The following BMPR1A variants were observed in gnomAD, a reference collection of about 807,000 sequenced individuals.
BMPR1A encodes bone morphogenetic protein receptor type 1A, also known as bone morphogenetic protein receptor type-1A.
A neutral mutation model predicts 66.0 loss-of-function variants in BMPR1A; 7 were observed. The observed-to-expected ratio is 0.11, with a 90% CI of 0.06 to 0.20. The LOEUF (loss-of-function observed/expected upper bound fraction) is 0.20, where lower values mean the gene tolerates loss of function less well. BMPR1A is among the 10% of genes least tolerant of loss of function. BMPR1A has a pLI of 1.00. For synonymous variants in BMPR1A, 200 were observed against 229.7 expected (o/e 0.87, Z 1.17); for missense variants, 408 against 669.1 (o/e 0.61, Z 4.31).
rs182782110 is a variant in BMPR1A, at chr10:86,837,818, G to A, written c.-267-1047G>A. On this transcript the variant is annotated intron_variant, in intron 1 of 12. Transcript: ENST00000372037. ...ATTCAGGGTCAGGCTGTCTTTAGCCGGACCATGAAAGATACAGCAGCCTGT... is the reference window on the plus strand; with the variant it reads ...ATTCAGGGTCAGGCTGTCTTTAGCCAGACCATGAAAGATACAGCAGCCTGT... Among the ~76,000 whole-genome samples the A allele has an allele frequency of 1.9e-3, 282 of 152,236 alleles. 1 individual carries two copies. The highest frequency in any genetic ancestry group is 8.4e-3 in the Admixed American group (129 of 15,286).
intron 1 of BMPR1A, among the ~76,000 whole-genome samples, chr10:86,775,700 T>C (rs1841336380): frequency 6.6e-6 from 1 of 152,068 alleles, no homozygotes; most frequent in African/African-American, 2.4e-5. Context: ...CAGTAAACAA[T>C]GGCAACAATA....
chr10:86,874,427 AT>A (rs1842893129), intron 2 of BMPR1A, among the ~76,000 whole-genome samples: 1 of 151,358 alleles, frequency 6.6e-6, no homozygotes, highest in South Asian at 2.1e-4. Context: ...TTTTTATGAG[AT>A]TGTGTCTCAC....
In BMPR1A at chr10:86,898,248, C is replaced by CACAT. The variant is rs143893301; in HGVS notation, c.334-1545_334-1544insCATA. 6.5e-4 allele frequency among the ~76,000 whole-genome samples: 98 copies of CACAT among 150,910 alleles called. 1 individual carries two copies. The East Asian group carries it at 0.013, about 20-fold the overall frequency. On this transcript the variant is annotated intron_variant, in intron 5 of 12. Coordinates refer to ENST00000372037, the MANE Select transcript of BMPR1A (RefSeq NM_004329.3). ...TTAAAGAAAAGGGACGTATATAACA[C>CACAT]ATATATATATAACATATATATAAAC...
At chr10:86,856,335 G>A (rs919157168) in intron 2 of BMPR1A, 2 of 424,562 alleles carry the variant, frequency 4.7e-6, no homozygotes, top group Non-Finnish European at 9.2e-6. Flanking sequence ...GCCCAGGGCA[G>A]TCAGCCATGG....
At chr10:86,853,096 T>C (rs1414168569) in intron 2 of BMPR1A, among the ~76,000 whole-genome samples, 4 of 152,144 alleles carry the variant, frequency 2.6e-5, no homozygotes, top group African/African-American at 9.7e-5. Flanking sequence ...AAATAAAATA[T>C]CTTGAATCAC....
At chr10:86,793,633 C>A (rs1426828072) in intron 1 of BMPR1A, among the ~76,000 whole-genome samples, 1 of 152,092 alleles carries the variant, frequency 6.6e-6, no homozygotes, top group Non-Finnish European at 1.5e-5. Flanking sequence ...TACAGGTGAG[C>A]CACTGCGCCA....
At position 86,815,377 on chromosome 10, in the gene BMPR1A, A is replaced by C. The variant is rs541414744; in HGVS notation, c.-267-23488A>C. ...TTTTCAGCAGTTTTTTTTCTGTGTG[A>C]GTGAGGCTGTTTCCTAGCAGGGAGG... On this transcript the variant is annotated intron_variant, in intron 1 of 12. Coordinates refer to ENST00000372037, the MANE Select transcript of BMPR1A (RefSeq NM_004329.3). Among the ~76,000 whole-genome samples, 70 of 151,774 alleles carry C rather than the reference A, an allele frequency of 4.6e-4. No homozygotes were observed. The South Asian group carries it at 0.015, about 32-fold the overall frequency.
chr10:86,857,799 T>C (rs576554307), intron 2 of BMPR1A, among the ~76,000 whole-genome samples: 1 of 147,474 alleles, frequency 6.8e-6, no homozygotes, highest in South Asian at 2.2e-4. Context: ...TTTTAAGACC[T>C]AGTCATTACT....
At chr10:86,841,785 A>C (rs1186467784) in intron 2 of BMPR1A, among the ~76,000 whole-genome samples, 2 of 151,968 alleles carry the variant, frequency 1.3e-5, no homozygotes, top group African/African-American at 4.8e-5. Context: ...ACCAACCCCC[A>C]ACATTTAGGG....
downstream of BMPR1A, chr10:86,931,298 C>CACATATATATATAT: frequency 3.7e-3 from 332 of 90,872 alleles, 20 homozygotes; most frequent in African/African-American, 0.02. Flanking sequence ...CACACACACA[C>CACATATATATATAT]ATATATATAT....
intron 1 of BMPR1A, among the ~76,000 whole-genome samples, chr10:86,774,728 C>G (rs1841318317): frequency 6.6e-6 from 1 of 152,116 alleles, no homozygotes; most frequent in African/African-American, 2.4e-5. Flanking sequence ...TATATTGATA[C>G]TATCGGATAA....
intron 2 of BMPR1A, chr10:86,855,240 A>G (rs556414966): frequency 6.6e-6 from 7 of 1,057,476 alleles, no homozygotes; most frequent in South Asian, 6.5e-5. Flanking sequence ...TTCAGGTTTC[A>G]GACACACAGA....
intron 7 of BMPR1A, among the ~76,000 whole-genome samples, chr10:86,906,368 C>T (rs910868725): frequency 1.3e-5 from 2 of 152,022 alleles, no homozygotes; most frequent in African/African-American, 4.8e-5. Flanking sequence ...CTTAGTGAAT[C>T]TATGGTTTGC....
At chr10:86,855,943 A>G (rs1842634334) in intron 2 of BMPR1A, 1 of 638,336 alleles carries the variant, frequency 1.6e-6, no homozygotes, top group Non-Finnish European at 2.9e-6. Context: ...TAATGGCTTT[A>G]CTGCATAACT....
intron 1 of BMPR1A, among the ~76,000 whole-genome samples, chr10:86,804,792 GTT>G (rs5786747): frequency 0.11 from 6,023 of 57,242 alleles, 109 homozygotes; most frequent in Middle Eastern, 0.16. Context: ...GTTTGTAGGT[GTT>G]TTTTTTTTTT....
intron 1 of BMPR1A, among the ~76,000 whole-genome samples, chr10:86,771,217 TTAAA>T (rs1226110589): frequency 6.6e-6 from 1 of 152,234 alleles, no homozygotes; most frequent in African/African-American, 2.4e-5. Flanking sequence ...CTTGGAAACG[TTAAA>T]TAACATAAAA....
intron 8 of BMPR1A, among the ~76,000 whole-genome samples, chr10:86,916,806 C>T (rs888969689): frequency 2.6e-5 from 4 of 152,038 alleles, no homozygotes; most frequent in African/African-American, 2.4e-5. Context: ...GCCTGGTCAA[C>T]GTGGCTAAAC....
chr10:86,855,522 GAAATAGTATTTCTATTTTTTGA>G (rs1379829996), intron 2 of BMPR1A: 133 of 438,868 alleles, frequency 3.0e-4, no homozygotes, highest in Middle Eastern at 4.6e-4. Context: ...ACTATTTTTT[GAAATAGTATTTCTATTTTTTGA>G]AAATAGTATT....
At chr10:86,854,441 G>A (rs995507445) in intron 2 of BMPR1A, among the ~76,000 whole-genome samples, 4 of 152,184 alleles carry the variant, frequency 2.6e-5, no homozygotes, top group Non-Finnish European at 5.9e-5. Flanking sequence ...AGTGATAAGT[G>A]TCCATGAAAT....
Sources: gnomAD v4.1 joint callset for allele counts (sites outside exome capture counted in the v4.1 genomes callset) on GRCh38, gnomAD v4.1.1 for gene constraint, MANE v1.5 for transcripts, NCBI Gene and HGNC (gene_info 2026-07-23, HGNC 2026-07-21) for gene names.